Variants in GNAI1 observed in about 807,000 individuals in gnomAD.
GNAI1 encodes guanine nucleotide-binding protein G(i) subunit alpha-1.
GNAI1 carries 11 observed loss-of-function variants against 38.9 expected under a neutral mutation model. The ratio of observed to expected loss-of-function variants is 0.28; its 90% CI spans 0.18 to 0.47. The LOEUF is 0.47. Among genes scored for constraint, GNAI1 ranks in the 20% least tolerant of loss-of-function variants. GNAI1 has a pLI of 0.99. For missense variants in GNAI1, 317 were observed against 436.9 expected, an observed-to-expected ratio of 0.73 and a Z score of 2.45; for synonymous variants, 166 against 145.1, an observed-to-expected ratio of 1.14 and a Z score of -1.04.
chr7:80,206,977 A>C (rs770444609), intron 5 of GNAI1, among the ~76,000 whole-genome samples: 6 of 152,104 alleles, frequency 3.9e-5, no homozygotes, highest in Non-Finnish European at 8.8e-5. Flanking sequence ...GAGTGAAACC[A>C]GGAGTAAGGG....
chr7:80,168,763 C>T (rs1358613362), intron 1 of GNAI1, among the ~76,000 whole-genome samples: 2 of 152,196 alleles, frequency 1.3e-5, no homozygotes, highest in Non-Finnish European at 2.9e-5. Flanking sequence ...ATCTCTGGGA[C>T]TTCTACATCA....
At chr7:80,172,303 A>AT (rs1163623357) in intron 1 of GNAI1, among the ~76,000 whole-genome samples, 2 of 152,190 alleles carry the variant, frequency 1.3e-5, no homozygotes, top group Admixed American at 6.5e-5. Flanking sequence ...AGATTTAAAC[A>AT]TTTTAGAAAA....
chr7:80,221,284 G>A lies in GNAI1; in HGVS notation c.*3791G>A, dbSNP rs1049755546. Among the ~76,000 whole-genome samples, 1 of 152,150 alleles carries A rather than the reference G, an allele frequency of 6.6e-6. No individual in the cohort carries two copies. The highest frequency in any genetic ancestry group is 1.9e-4 in the East Asian group (1 of 5,196). ...ATTAAATAATCCATTAATTTTAATG[G>A]TTGTTGTCAGCATTAAATAAGTTCA... On this transcript the variant is annotated 3_prime_UTR_variant, in exon 8 of 8. Coordinates refer to ENST00000649796, the MANE Select transcript of GNAI1 (RefSeq NM_002069.6).
At chr7:80,167,282 TG>T (rs1451080988) in intron 1 of GNAI1, among the ~76,000 whole-genome samples, 5 of 152,224 alleles carry the variant, frequency 3.3e-5, no homozygotes, top group Admixed American at 2.6e-4. Flanking sequence ...TTATGTGGAA[TG>T]TAGACATTTG....
intron 4 of GNAI1, among the ~76,000 whole-genome samples, chr7:80,200,403 A>G (rs1257680863): frequency 6.6e-6 from 1 of 151,928 alleles, no homozygotes; most frequent in East Asian, 1.9e-4. Context: ...CAAAACAAAA[A>G]AAAAATTTAT....
chr7:80,191,456 A>G (rs996483985), intron 3 of GNAI1, among the ~76,000 whole-genome samples: 18 of 152,106 alleles, frequency 1.2e-4, no homozygotes, highest in African/African-American at 3.9e-4. Flanking sequence ...CAGTGGTGCA[A>G]TCTCAGCTCA....
At chr7:80,199,033 A>G (rs543424231) in intron 3 of GNAI1, among the ~76,000 whole-genome samples, 192 bp from the exon 4 acceptor site, 92 of 152,228 alleles carry the variant, frequency 6.0e-4, no homozygotes, top group African/African-American at 2.1e-3. Context: ...TAGACATATG[A>G]TGTGTGATTA....
At chr7:80,164,717 C>T (rs1300398755) in intron 1 of GNAI1, among the ~76,000 whole-genome samples, 1 of 152,122 alleles carries the variant, frequency 6.6e-6, no homozygotes, top group Admixed American at 6.5e-5. Flanking sequence ...TTATCACTGC[C>T]TCTTTTAATT....
At chr7:80,204,886 A>G (rs1788746776) in intron 5 of GNAI1, among the ~76,000 whole-genome samples, 1 of 151,994 alleles carries the variant, frequency 6.6e-6, no homozygotes, top group Non-Finnish European at 1.5e-5. Context: ...ATAGACATCT[A>G]AGACCACTGT....
chr7:80,197,031 T>C (rs1788589596), intron 3 of GNAI1, among the ~76,000 whole-genome samples: 1 of 151,878 alleles, frequency 6.6e-6, no homozygotes, highest in African/African-American at 2.4e-5. Flanking sequence ...GACTTGGTCA[T>C]CCCATGTATC....
chr7:80,149,656 T>C (rs1483852682), intron 1 of GNAI1, among the ~76,000 whole-genome samples: 1 of 152,146 alleles, frequency 6.6e-6, no homozygotes, highest in Non-Finnish European at 1.5e-5. Context: ...GAACCTGTCT[T>C]GTAATACTTT....
chr7:80,177,912 T>G (rs1440683247), intron 1 of GNAI1, among the ~76,000 whole-genome samples: 1 of 152,294 alleles, frequency 6.6e-6, no homozygotes, highest in African/African-American at 2.4e-5. Flanking sequence ...ATTCCTTTAA[T>G]AGATCTGAGT....
At position 80,217,313 on chromosome 7, in the gene GNAI1, A is replaced by T. The variant is rs1490242462; in HGVS notation, c.885A>T (p.Thr295=). 1 of 1,575,974 alleles carries T rather than the reference A, an allele frequency of 6.3e-7. No individual in the cohort carries two copies. The highest frequency in any genetic ancestry group is 1.2e-5 in the South Asian group (1 of 84,070). Residue 295 remains threonine (T), a synonymous_variant, in exon 8 of 8, where the codon ACA becomes ACT. Coordinates refer to ENST00000649796, the MANE Select transcript of GNAI1 (RefSeq NM_002069.6). ...ICYPEYAGSN[T]YEEAAAYIQC... is the part of the protein sequence containing the mutation. ...CTTTTTCCATCTCAGGATCAAACAC[A>T]TATGAAGAGGCAGCTGCATATATTC...
chr7:80,206,161 T>A (rs904311190), intron 5 of GNAI1, among the ~76,000 whole-genome samples: 5 of 152,036 alleles, frequency 3.3e-5, no homozygotes, highest in African/African-American at 1.2e-4. Context: ...TTACAGGTGG[T>A]TCATGTAATT....
intron 1 of GNAI1, chr7:80,136,014 C>A (rs950979497): frequency 1.0e-6 from 1 of 985,420 alleles, no homozygotes; most frequent in Non-Finnish European, 1.2e-6. Context: ...GAGAGGGTCA[C>A]GCCAGACAAC....
intron 1 of GNAI1, among the ~76,000 whole-genome samples, chr7:80,137,293 C>CTTTT (rs377362596): frequency 1.3e-4 from 12 of 95,254 alleles, no homozygotes; most frequent in African/African-American, 2.4e-4. Flanking sequence ...TTTCTTTTTT[C>CTTTT]TTTTTTTTTT....
At chr7:80,212,992 G>A (rs1788899936) in intron 7 of GNAI1, 123 bp downstream of exon 7, 2 of 621,812 alleles carry the variant, frequency 3.2e-6, no homozygotes, top group South Asian at 5.4e-5. Flanking sequence ...CCTTTAAGGG[G>A]TATTATTTAT....
intron 7 of GNAI1, 144 bp downstream of exon 7, chr7:80,213,013 T>G (rs1256038214): frequency 7.5e-6 from 4 of 536,178 alleles, no homozygotes; most frequent in African/African-American, 5.9e-5. Flanking sequence ...CAAACTGCAG[T>G]TGAGCATAAA....
At chr7:80,168,078 C>T (rs904307518) in intron 1 of GNAI1, among the ~76,000 whole-genome samples, 1 of 152,164 alleles carries the variant, frequency 6.6e-6, no homozygotes, top group Non-Finnish European at 1.5e-5. Flanking sequence ...TGTTCCTGGG[C>T]TAGCGCTATC....
Sources: gnomAD v4.1 joint callset for allele counts (sites outside exome capture counted in the v4.1 genomes callset) on GRCh38, gnomAD v4.1.1 for gene constraint, MANE v1.5 for transcripts, NCBI Gene and HGNC (gene_info 2026-07-23, HGNC 2026-07-21) for gene names.